Variants in INCENP observed in about 807,000 individuals in gnomAD.
INCENP encodes inner centromere protein.
A neutral mutation model predicts 107.3 loss-of-function variants in INCENP; 43 were observed. The ratio of observed to expected loss-of-function variants is 0.40; its 90% CI spans 0.31 to 0.52. The LOEUF is 0.52. INCENP is among the 20% of genes least tolerant of loss of function. The probability of loss-of-function intolerance (pLI) is 0.53; values close to 1 mark genes in which losing one functional copy is unlikely to be tolerated. For missense variants in INCENP, 1,089 were observed against 1,250.9 expected, an observed-to-expected ratio of 0.87 and a Z score of 1.95; for synonymous variants, 488 against 494.4, an observed-to-expected ratio of 0.99 and a Z score of 0.17.
At chr11:62,137,683 A>G in intron 4 of INCENP, 149 bp from the exon 5 acceptor site, 3 of 725,082 alleles carry the variant, frequency 4.1e-6, no homozygotes, top group Non-Finnish European at 7.5e-6. Context: ...ATGAGTGCTG[A>G]GGGGAGGGTC....
chr11:62,135,132 C>T (rs952864033), intron 4 of INCENP, among the ~76,000 whole-genome samples: 2 of 152,000 alleles, frequency 1.3e-5, no homozygotes, highest in Non-Finnish European at 2.9e-5. Context: ...ATAGCTTTTT[C>T]AGATAATTAT....
At chr11:62,143,590 G>A (rs1336580187) in intron 11 of INCENP, among the ~76,000 whole-genome samples, 4 of 152,164 alleles carry the variant, frequency 2.6e-5, no homozygotes, top group Admixed American at 2.6e-4. Context: ...GGGAGAGAGA[G>A]GTGGAGTATG....
chr11:62,151,981 G>A lies in INCENP; in HGVS notation c.*5G>A. ...TACAGCCTGAAGAAGCACTGAGGCTGGCCTGCGGCCTTCTTGGCAGCCTCG... is the reference window on the plus strand; with the variant it reads ...TACAGCCTGAAGAAGCACTGAGGCTAGCCTGCGGCCTTCTTGGCAGCCTCG... On this transcript the variant is annotated 3_prime_UTR_variant, in exon 19 of 19. Transcript: ENST00000394818. 1.2e-6 allele frequency: 2 copies of A among 1,604,078 alleles called. No individual in the cohort carries two copies. Among genetic ancestry groups the A allele is most frequent in the Non-Finnish European group, 1.7e-6 (2 of 1,177,176 alleles).
chr11:62,143,834 C>G (rs1944176868), intron 11 of INCENP, among the ~76,000 whole-genome samples: 1 of 152,140 alleles, frequency 6.6e-6, no homozygotes, highest in South Asian at 2.1e-4. Flanking sequence ...CCTCTGGGTC[C>G]CAGCCTCCAC....
chr11:62,135,792 T>C (rs576327596), intron 4 of INCENP, among the ~76,000 whole-genome samples: 24 of 152,168 alleles, frequency 1.6e-4, no homozygotes, highest in African/African-American at 5.8e-4. Flanking sequence ...AATTCTACTC[T>C]TGGATTCGTT....
intron 15 of INCENP, among the ~76,000 whole-genome samples, chr11:62,147,812 G>A (rs1023119661): frequency 5.3e-5 from 8 of 152,198 alleles, no homozygotes; most frequent in Non-Finnish European, 8.8e-5. Flanking sequence ...GCGAGAAGGC[G>A]TAGGGTGTAG....
At chr11:62,148,926 C>T (rs1274895449) in intron 17 of INCENP, 80 bp downstream of exon 17, 11 of 816,502 alleles carry the variant, frequency 1.3e-5, no homozygotes, top group Non-Finnish European at 1.9e-5. Context: ...GAGGCACAGG[C>T]TGTGTTAGGC....
Position 62,148,738 on chromosome 11 carries a change from G to A in INCENP, c.2284-1G>A, listed in dbSNP as rs1294311357. On this transcript the variant is annotated splice_acceptor_variant, in intron 16 of 18. Coordinates refer to ENST00000394818, the MANE Select transcript of INCENP (RefSeq NM_001040694.2). LOFTEE classifies it high-confidence loss of function. ...ACACCCCATTGCCACCTGGGTTCCAGGAAGAGCAGCAGCGTCTGGCTGAGC... is the reference window on the plus strand; with the variant it reads ...ACACCCCATTGCCACCTGGGTTCCAAGAAGAGCAGCAGCGTCTGGCTGAGC... The A allele has an allele frequency of 6.3e-7, 1 of 1,581,034 alleles. No homozygotes were observed. Among genetic ancestry groups the A allele is most frequent in the South Asian group, 1.2e-5 (1 of 84,928 alleles).
At chr11:62,134,402 T>TAAAAAA (rs71053016) in intron 4 of INCENP, among the ~76,000 whole-genome samples, 1 of 128,446 alleles carries the variant, frequency 7.8e-6, no homozygotes, top group African/African-American at 3.0e-5. Context: ...GAGACTCTGT[T>TAAAAAA]AAAAAAAAAA....
At chr11:62,136,057 A>C (rs556516801) in intron 4 of INCENP, among the ~76,000 whole-genome samples, 90 of 152,238 alleles carry the variant, frequency 5.9e-4, no homozygotes, top group African/African-American at 2.1e-3. Flanking sequence ...TCGGCCTCCC[A>C]AAGTGCTGGG....
At chr11:62,147,770 T>C (rs1448447344) in intron 15 of INCENP, among the ~76,000 whole-genome samples, 1 of 152,158 alleles carries the variant, frequency 6.6e-6, no homozygotes, top group Non-Finnish European at 1.5e-5. Context: ...GGGACAAAGC[T>C]GTCCTTGGTC....
chr11:62,146,188 C>T (rs1341522921), intron 14 of INCENP, among the ~76,000 whole-genome samples: 1 of 152,172 alleles, frequency 6.6e-6, no homozygotes, highest in Non-Finnish European at 1.5e-5. Context: ...AGTAAGGGCC[C>T]ACCTCTTCCC....
intron 5 of INCENP, 119 bp from the exon 6 acceptor site, chr11:62,138,593 TG>T: frequency 1.1e-6 from 1 of 878,874 alleles, no homozygotes; most frequent in Non-Finnish European, 1.8e-6. Flanking sequence ...TTCGTGGCCC[TG>T]GCCAGGGCAC....
chr11:62,150,710 G>GC (rs1394940794), intron 18 of INCENP, among the ~76,000 whole-genome samples: 1 of 152,206 alleles, frequency 6.6e-6, no homozygotes, highest in Non-Finnish European at 1.5e-5. Context: ...GAGTTTACAG[G>GC]CCCCAGCATT....
At chr11:62,151,172 C>T (rs1230905873) in intron 18 of INCENP, among the ~76,000 whole-genome samples, 2 of 152,202 alleles carry the variant, frequency 1.3e-5, no homozygotes, top group South Asian at 2.1e-4. Context: ...TTGAGAGTGA[C>T]ATGAGTGAGC....
chr11:62,124,371 C>T (rs1943705831), intron 1 of INCENP, among the ~76,000 whole-genome samples: 1 of 152,194 alleles, frequency 6.6e-6, no homozygotes, highest in South Asian at 2.1e-4. Flanking sequence ...TCCACCTAGG[C>T]CCTCAGCTTC....
chr11:62,129,323 G>T (rs1943828495), intron 3 of INCENP, among the ~76,000 whole-genome samples: 1 of 151,812 alleles, frequency 6.6e-6, no homozygotes, highest in African/African-American at 2.4e-5. Flanking sequence ...TTGGGGTTAG[G>T]CTTGGGTGTG....
At chr11:62,132,952 A>C (rs946844326) in intron 4 of INCENP, among the ~76,000 whole-genome samples, 2 of 152,186 alleles carry the variant, frequency 1.3e-5, no homozygotes, top group Non-Finnish European at 2.9e-5. Context: ...TAGATAACTC[A>C]TCTTAGTGCT....
chr11:62,140,561 A>G, intron 8 of INCENP, 143 bp from the exon 9 acceptor site: 1 of 720,362 alleles, frequency 1.4e-6, no homozygotes, highest in South Asian at 1.8e-5. Context: ...AGTGGGCAGC[A>G]GAGGGTTGCT....
Sources: allele counts gnomAD v4.1 joint callset (sites outside exome capture counted in the v4.1 genomes callset), GRCh38; gene constraint gnomAD v4.1.1; transcripts MANE v1.5; gene names NCBI Gene and HGNC (gene_info 2026-07-23, HGNC 2026-07-21).